The following RBKS variants were observed in gnomAD, a reference collection of about 807,000 sequenced individuals.
RBKS encodes the protein ribokinase.
A neutral mutation model predicts 33.9 loss-of-function variants in RBKS; 33 were observed. The observed-to-expected ratio is 0.97, with a 90% CI of 0.74 to 1.30. RBKS has a LOEUF of 1.30. Ranked by LOEUF, RBKS falls within the 50% of genes most tolerant of loss-of-function variation. The pLI is 0.00. For missense variants in RBKS, 361 were observed against 392.6 expected, an observed-to-expected ratio of 0.92 and a Z score of 0.68; for synonymous variants, 125 against 143.0, an observed-to-expected ratio of 0.87 and a Z score of 0.90.
intron 1 of RBKS, among the ~76,000 whole-genome samples, chr2:27,882,714 TG>T (rs1664442759): frequency 6.6e-6 from 1 of 152,178 alleles, no homozygotes; most frequent in Non-Finnish European, 1.5e-5. Flanking sequence ...AAAGAAAATG[TG>T]GTACATATAC....
chr2:27,842,990 C>T (rs1178922401), intron 5 of RBKS, 77 bp downstream of exon 5: 23 of 1,125,716 alleles, frequency 2.0e-5, no homozygotes, highest in Non-Finnish European at 2.8e-5. Flanking sequence ...TATTGCTTTG[C>T]TTAACTTAAA....
chr2:27,789,986 TAGAG>T (rs368946256), intron 7 of RBKS, among the ~76,000 whole-genome samples: 5,511 of 130,772 alleles, frequency 0.042, 352 homozygotes, highest in African/African-American at 0.14. Flanking sequence ...TATATATATG[TAGAG>T]AGAGAGAGAG....
intron 1 of RBKS, among the ~76,000 whole-genome samples, chr2:27,876,027 C>T (rs1460880514): frequency 6.6e-6 from 1 of 152,038 alleles, no homozygotes; most frequent in Non-Finnish European, 1.5e-5. Context: ...AAAGAAGATG[C>T]AAGAAACTAA....
In RBKS at chr2:27,883,170, C is replaced by G. The variant is rs553474993; in HGVS notation, c.89+7087G>C. On this transcript the variant is annotated intron_variant, in intron 1 of 7. Transcript: ENST00000302188. Reference sequence around the variant, plus strand: ...ACAAAAGGGACTAAGACAAGACAAGCAGTAACCATGTTTTCCTAACTGCAG... The same window carrying G: ...ACAAAAGGGACTAAGACAAGACAAGGAGTAACCATGTTTTCCTAACTGCAG... Among the ~76,000 whole-genome samples, 12 of 151,516 alleles carry G rather than the reference C, an allele frequency of 7.9e-5. No individual in the cohort carries two copies. The East Asian group carries it at 1.6e-3, about 20-fold the overall frequency.
rs1184945771 is a variant in RBKS, at chr2:27,810,544, C to T, written c.795+17023G>A. The stretch of plus-strand genomic sequence containing the variant: ...TGCAGAGAATCACTGATGACAGGAA[C>T]TCTTTCTAGTGGGAGTAGGTTTTAG... On this transcript the variant is annotated intron_variant, in intron 7 of 7. Coordinates refer to ENST00000302188, the MANE Select transcript of RBKS (RefSeq NM_022128.3). This position sits in a 1 kb window ranked among gnomAD's most constrained non-coding sequence, Gnocchi z 4.4. Among the ~76,000 whole-genome samples the T allele has an allele frequency of 1.3e-5, 2 of 152,166 alleles. No homozygotes were observed. Among genetic ancestry groups the T allele is most frequent in the Non-Finnish European group, 1.5e-5 (1 of 68,020 alleles).
chr2:27,782,376 G>T (rs138453056), intron 7 of RBKS, among the ~76,000 whole-genome samples: 27 of 152,124 alleles, frequency 1.8e-4, no homozygotes, highest in Non-Finnish European at 3.2e-4. Flanking sequence ...AAAAAAAAGG[G>T]TCTCATTATG....
intron 1 of RBKS, among the ~76,000 whole-genome samples, chr2:27,882,483 T>C (rs1329700830): frequency 2.0e-5 from 3 of 151,920 alleles, no homozygotes; most frequent in African/African-American, 7.3e-5. Flanking sequence ...TTGGTGGGAG[T>C]GTAAATTAGT....
intron 6 of RBKS, 89 bp downstream of exon 6, chr2:27,832,597 A>G (rs1678439454): frequency 1.2e-6 from 1 of 822,474 alleles, no homozygotes; most frequent in Non-Finnish European, 2.1e-6. Context: ...CACGTCATCA[A>G]ATTGATGTGG....
chr2:27,880,057 A>G (rs961398804), intron 1 of RBKS, among the ~76,000 whole-genome samples: 2 of 152,218 alleles, frequency 1.3e-5, no homozygotes, highest in African/African-American at 4.8e-5. Context: ...CCAGCAGCAC[A>G]TCAAAAAGCG....
At chr2:27,851,962 G>C (rs1183532385) in intron 2 of RBKS, among the ~76,000 whole-genome samples, 1 of 152,198 alleles carries the variant, frequency 6.6e-6, no homozygotes, top group African/African-American at 2.4e-5. Context: ...GACTACAGCA[G>C]TGAAATACTT....
intron 5 of RBKS, among the ~76,000 whole-genome samples, chr2:27,840,941 G>T (rs1467930359): frequency 6.6e-6 from 1 of 152,144 alleles, no homozygotes; most frequent in Non-Finnish European, 1.5e-5. Flanking sequence ...AAGATGTAAA[G>T]TACATATAAA....
intron 4 of RBKS, among the ~76,000 whole-genome samples, chr2:27,845,419 G>A (rs1196552244): frequency 1.3e-5 from 2 of 152,076 alleles, no homozygotes; most frequent in African/African-American, 4.8e-5. Flanking sequence ...CTGTAAACCA[G>A]GCAAGGTCTA....
chr2:27,858,680 A>G, intron 1 of RBKS, 109 bp from the exon 2 acceptor site: 1 of 912,666 alleles, frequency 1.1e-6, no homozygotes, highest in Non-Finnish European at 1.7e-6. Context: ...TAGTCTTAAC[A>G]ATTAGAACTA....
At chr2:27,849,845 C>T (rs943134362) in intron 2 of RBKS, among the ~76,000 whole-genome samples, 1 of 152,138 alleles carries the variant, frequency 6.6e-6, no homozygotes, top group Admixed American at 6.5e-5. Flanking sequence ...TTTGCAGGGG[C>T]CAGGCCTTTA....
At chr2:27,794,218 A>C (rs1349057632) in intron 7 of RBKS, among the ~76,000 whole-genome samples, 1 of 150,926 alleles carries the variant, frequency 6.6e-6, no homozygotes, top group Non-Finnish European at 1.5e-5. Context: ...AATCGCTTGA[A>C]CCTGGGAGGT....
chr2:27,875,374 C>T (rs1027771345), intron 1 of RBKS, among the ~76,000 whole-genome samples: 4 of 152,100 alleles, frequency 2.6e-5, no homozygotes, highest in Admixed American at 2.6e-4. Flanking sequence ...ATGGCGAGAC[C>T]TTGTCTCAAC....
At chr2:27,857,201 A>C (rs1326388121) in intron 2 of RBKS, among the ~76,000 whole-genome samples, 1 of 152,250 alleles carries the variant, frequency 6.6e-6, no homozygotes, top group East Asian at 1.9e-4. Flanking sequence ...TAAAATCTAC[A>C]TAGTTCACAG....
chr2:27,865,526 C>T (rs560725067), intron 1 of RBKS, among the ~76,000 whole-genome samples: 15 of 150,260 alleles, frequency 1.0e-4, no homozygotes, highest in African/African-American at 3.2e-4. Context: ...TTCCATTTTA[C>T]GTTCCCTGTT....
chr2:27,826,233 A>C (rs1038990441), intron 7 of RBKS, among the ~76,000 whole-genome samples: 2 of 152,172 alleles, frequency 1.3e-5, no homozygotes, highest in African/African-American at 4.8e-5. Context: ...AGATCCCCTC[A>C]GCCTTCTTTT....
Sources: allele counts gnomAD v4.1 joint callset (sites outside exome capture counted in the v4.1 genomes callset), GRCh38; gene constraint gnomAD v4.1.1; non-coding constraint Gnocchi (gnomAD v3.1); transcripts MANE v1.5; gene names NCBI Gene and HGNC (gene_info 2026-07-23, HGNC 2026-07-21).